Variants in UBE3D observed in about 807,000 individuals in gnomAD.
UBE3D encodes the protein E3 ubiquitin-protein ligase E3D.
In UBE3D, 48 loss-of-function variants were observed where a neutral mutation model predicts 49.6. The observed-to-expected ratio is 0.97, with a 90% CI of 0.77 to 1.23. UBE3D has a LOEUF of 1.23. UBE3D is among the 50% of genes most tolerant of loss of function. The pLI, the probability that UBE3D is intolerant of heterozygous loss-of-function variation, is 0.00. For missense variants in UBE3D, 452 were observed against 468.4 expected (o/e 0.96, Z 0.32); for synonymous variants, 189 against 174.2 (o/e 1.08, Z -0.67).
Position 83,038,444 on chromosome 6 carries a change from C to T in UBE3D, c.639G>A (p.Lys213=). The T allele has an allele frequency of 1.2e-6, 2 of 1,611,502 alleles. No individual in the cohort carries two copies. The highest frequency in any genetic ancestry group is 1.7e-6 in the Non-Finnish European group (2 of 1,179,308). The change falls in exon 5 of 10, where the codon AAG becomes AAA. Residue 213 remains lysine, a synonymous_variant. Coordinates refer to ENST00000369747, the MANE Select transcript of UBE3D (RefSeq NM_198920.3). The part of the protein sequence containing the change: ...ANTKVICKRC[K]VMLGETVSSE... ...ATGACACGGTCTCTCCCAACATTAC[C>T]TTGCAACGCTTACAAATTACTTTGG...
chr6:83,037,738 C>A (rs1052317103), intron 5 of UBE3D: 1 of 152,130 alleles, frequency 6.6e-6, no homozygotes, highest in Non-Finnish European at 1.5e-5. Context: ...ACACTATAAA[C>A]CATATCTTTA....
chr6:82,948,195 A>T (rs1775539865), intron 9 of UBE3D, among the ~76,000 whole-genome samples: 1 of 151,974 alleles, frequency 6.6e-6, no homozygotes, highest in African/African-American at 2.4e-5. Flanking sequence ...GAAAAAGGAG[A>T]AATTACAACT....
chr6:82,897,560 C>T (rs1233751551), intron 9 of UBE3D, among the ~76,000 whole-genome samples: 1 of 152,078 alleles, frequency 6.6e-6, no homozygotes, highest in African/African-American at 2.4e-5. Flanking sequence ...CAGTGAACTC[C>T]ACAGCCTGGG....
rs992579768 is a variant in UBE3D at position 82,892,409 on chromosome 6, T to C, written c.*613A>G. ...ACTCTGTAACGGGATGCTAGTGAGG[T>C]ATATTTATTAATTTGCAATAATGTA... On this transcript the variant is annotated 3_prime_UTR_variant, in exon 10 of 10. Coordinates refer to ENST00000369747, the MANE Select transcript of UBE3D (RefSeq NM_198920.3). 1.3e-5 allele frequency: 2 copies of C among 157,170 alleles called. No individual in the cohort carries two copies. The highest frequency in any genetic ancestry group is 2.8e-5 in the Non-Finnish European group (2 of 70,914). 9.7% of individuals were successfully genotyped at this position (157,170 alleles called of 1,614,324 possible).
intron 5 of UBE3D, 186 bp downstream of exon 5, chr6:83,038,230 A>C (rs1782407363): frequency 1.9e-6 from 1 of 520,210 alleles, no homozygotes; most frequent in Non-Finnish European, 3.3e-6. Flanking sequence ...CTCTGTATTT[A>C]TGAAGGTCAA....
intron 8 of UBE3D, among the ~76,000 whole-genome samples, chr6:82,984,633 G>A (rs550210699): frequency 6.6e-6 from 1 of 152,144 alleles, no homozygotes; most frequent in Non-Finnish European, 1.5e-5. Context: ...TATTAGGAGT[G>A]AGGGTGGGTA....
At chr6:82,913,145 T>C (rs140682764) in intron 9 of UBE3D, among the ~76,000 whole-genome samples, 23 of 152,190 alleles carry the variant, frequency 1.5e-4, no homozygotes, top group African/African-American at 4.6e-4. Flanking sequence ...TGGCTCTGAC[T>C]TAGCTTCTCT....
At position 82,916,299 on chromosome 6, in the gene UBE3D, C is replaced by A. The variant is rs1185677772; in HGVS notation, c.1150-23257G>T. ...ATCTGTGTCAAAATATCCACTATGGCATTTTCAATTATTAAATATAGCAAG... is the reference window on the plus strand; with the variant it reads ...ATCTGTGTCAAAATATCCACTATGGAATTTTCAATTATTAAATATAGCAAG... On this transcript the variant is annotated intron_variant, in intron 9 of 9. Coordinates refer to ENST00000369747, the MANE Select transcript of UBE3D (RefSeq NM_198920.3). Among the ~76,000 whole-genome samples, 4 of 152,244 alleles carry A rather than the reference C, an allele frequency of 2.6e-5. No homozygotes were observed. In the East Asian group the frequency reaches 7.7e-4, roughly 29 times the overall value.
intron 9 of UBE3D, among the ~76,000 whole-genome samples, chr6:82,934,008 T>C (rs780741697): frequency 7.2e-5 from 11 of 152,204 alleles, no homozygotes; most frequent in South Asian, 2.1e-4. Context: ...TCAGCTCAAA[T>C]TGTAATCCCC....
At chr6:83,001,112 G>A (rs1365990129) in intron 8 of UBE3D, among the ~76,000 whole-genome samples, 1 of 152,156 alleles carries the variant, frequency 6.6e-6, no homozygotes, top group East Asian at 1.9e-4. Flanking sequence ...CCAAAGTGCT[G>A]GAATTACAGG....
intron 9 of UBE3D, among the ~76,000 whole-genome samples, chr6:82,895,029 C>T (rs1370411132): frequency 6.6e-6 from 1 of 152,142 alleles, no homozygotes; most frequent in African/African-American, 2.4e-5. Flanking sequence ...GGTTAAGAGG[C>T]CGGCACAGTG....
At chr6:82,890,201 T>G (rs1224252980), downstream of UBE3D, among the ~76,000 whole-genome samples, 3 of 152,118 alleles carry the variant, frequency 2.0e-5, no homozygotes, top group Non-Finnish European at 4.4e-5. Flanking sequence ...AAAATGAAAT[T>G]TAAATGTCTT....
Position 82,893,008 on chromosome 6 carries a change from C to T in UBE3D, c.*14G>A. 6.2e-7 allele frequency: 1 copy of T among 1,613,596 alleles called. No individual in the cohort carries two copies. Among genetic ancestry groups the T allele is most frequent in the Non-Finnish European group, 8.5e-7 (1 of 1,179,820 alleles). On this transcript the variant is annotated 3_prime_UTR_variant, in exon 10 of 10. Transcript: ENST00000369747. ...AGCTGTCTGCCGGGGGAGGAGAATGCCCAGCTCTAATAGTTACATCTTCAA... is the reference window on the plus strand; with the variant it reads ...AGCTGTCTGCCGGGGGAGGAGAATGTCCAGCTCTAATAGTTACATCTTCAA...
chr6:83,016,443 T>C (rs571423203), intron 8 of UBE3D, among the ~76,000 whole-genome samples: 9 of 152,038 alleles, frequency 5.9e-5, no homozygotes, highest in African/African-American at 1.7e-4. Flanking sequence ...GTAGAGTCCT[T>C]AGCATTTTTG....
chr6:82,922,918 C>A (rs1400664555), intron 9 of UBE3D, among the ~76,000 whole-genome samples: 40 of 152,138 alleles, frequency 2.6e-4, no homozygotes, highest in Non-Finnish European at 1.5e-5. Context: ...AGACACTTCT[C>A]AAAAGAAGAC....
At chr6:83,063,131 G>A in intron 1 of UBE3D, 1 of 257,718 alleles carries the variant, frequency 3.9e-6, no homozygotes, top group South Asian at 3.4e-5. Flanking sequence ...AAAAAAACGA[G>A]GCAGGGCATG....
chr6:82,985,136 C>A (rs969405731), intron 8 of UBE3D, among the ~76,000 whole-genome samples: 2 of 148,952 alleles, frequency 1.3e-5, no homozygotes, highest in African/African-American at 4.9e-5. Context: ...CAAGTGTGGG[C>A]CACACATGCC....
At chr6:83,057,738 G>A in intron 2 of UBE3D, 88 bp downstream of exon 2, 1 of 1,372,692 alleles carries the variant, frequency 7.3e-7, no homozygotes, top group Middle Eastern at 1.8e-4. Flanking sequence ...CCCTTCACCT[G>A]GGAAAAGTTC....
In UBE3D at chr6:82,957,374, A is replaced by C; in HGVS notation, c.1087T>G (p.Leu363Val). The C allele has an allele frequency of 6.2e-7, 1 of 1,614,150 alleles. No individual in the cohort carries two copies. The highest frequency in any genetic ancestry group is 1.1e-5 in the South Asian group (1 of 91,088). ...TTGGCATTACTCTTTGACAATATCA[A>C]CAGCAGCTCCAAGCAGGTTGCAGAG... ...LPSATCLELLLILSKSNANLP... is the reference protein window; with the variant it reads ...LPSATCLELLVILSKSNANLP... The change falls in exon 9 of 10, where the codon TTG becomes GTG. Residue 363 changes from leucine to valine, a missense_variant. Transcript: ENST00000369747.
Sources: gnomAD v4.1 joint callset for allele counts (sites outside exome capture counted in the v4.1 genomes callset) on GRCh38, gnomAD v4.1.1 for gene constraint, MANE v1.5 for transcripts, NCBI Gene and HGNC (gene_info 2026-07-23, HGNC 2026-07-21) for gene names.